The following ICE2 variants were observed in gnomAD, a reference collection of about 807,000 sequenced individuals.
ICE2 encodes interactor of little elongation complex ELL subunit 2, also known as little elongation complex subunit 2.
A neutral mutation model predicts 105.4 loss-of-function variants in ICE2; 87 were observed. The ratio of observed to expected loss-of-function variants is 0.83; its 90% confidence interval spans 0.69 to 0.99. The LOEUF (loss-of-function observed/expected upper bound fraction) is 0.99, where lower values mean the gene tolerates loss of function less well. ICE2 is among the 50% of genes least tolerant of loss of function. ICE2 has a pLI of 0.00. For synonymous variants in ICE2, 399 were observed against 392.0 expected (o/e 1.02, Z -0.21); for missense variants, 1,323 against 1,146.7 (o/e 1.15, Z -2.22).
chr15:60,442,572 A>G (rs2063741716), intron 11 of ICE2, 27 bp from the exon 12 acceptor site: 2 of 1,539,534 alleles, frequency 1.3e-6, no homozygotes, highest in East Asian at 4.6e-5. Context: ...TACTTTTTCA[A>G]AGCTCTATTA....
intron 15 of ICE2, among the ~76,000 whole-genome samples, chr15:60,427,443 C>T (rs1359125290): frequency 6.6e-6 from 1 of 152,078 alleles, no homozygotes; most frequent in East Asian, 1.9e-4. Context: ...TTTTTTGAGA[C>T]AGAGTCTCGT....
intron 9 of ICE2, among the ~76,000 whole-genome samples, chr15:60,450,124 A>G (rs1414063114): frequency 2.6e-5 from 4 of 152,232 alleles, no homozygotes; most frequent in East Asian, 3.8e-4. Flanking sequence ...AGGAATTTCA[A>G]CGAATCAAAA....
chr15:60,462,005 A>G (rs1373028665), intron 5 of ICE2, among the ~76,000 whole-genome samples: 1 of 152,226 alleles, frequency 6.6e-6, no homozygotes, highest in Non-Finnish European at 1.5e-5. Context: ...ATTTAACTCC[A>G]TGATTTAATA....
At chr15:60,452,388 CCTT>C in intron 9 of ICE2, 1 of 433,208 alleles carries the variant, frequency 2.3e-6, no homozygotes, top group Non-Finnish European at 3.1e-6. Flanking sequence ...CTCAGAAAAA[CCTT>C]CTTAATCGTG....
rs2064138108 is a variant in ICE2 at position 60,456,769 on chromosome 15, T to G, written c.554A>C (p.Gln185Pro). 6.6e-7 allele frequency: 1 copy of G among 1,512,192 alleles called. No homozygotes were observed. The highest frequency in any genetic ancestry group is 1.4e-5 in the African/African-American group (1 of 70,056). 93.7% of individuals were successfully genotyped at this position (1,512,192 alleles called of 1,614,324 possible). The part of the protein sequence containing the change: ...TEKILRACIE[Q>P]VKKYSEFYTL... The stretch of plus-strand genomic sequence containing the variant: ...ATAGAATTCTGAATACTTTTTCACT[T>G]GTTCAATGCAAGCTCTTAAAATTTT... The change falls in exon 6 of 16, where the codon CAA becomes CCA. Residue 185 changes from glutamine (Q) to proline (P), a missense_variant. Gln to Pro is a moderately conservative substitution (Grantham distance 76). Coordinates refer to ENST00000261520, the MANE Select transcript of ICE2 (RefSeq NM_024611.6).
chr15:60,431,657 TTTG>T (rs1359437346), intron 14 of ICE2, among the ~76,000 whole-genome samples: 8 of 152,204 alleles, frequency 5.3e-5, no homozygotes, highest in Non-Finnish European at 1.0e-4. Flanking sequence ...ATCAATCTGT[TTTG>T]TTTCAAGCCA....
At chr15:60,472,710 T>C (rs1421510980) in intron 3 of ICE2, among the ~76,000 whole-genome samples, 1 of 152,084 alleles carries the variant, frequency 6.6e-6, no homozygotes, top group Non-Finnish European at 1.5e-5. Flanking sequence ...AAAATAAACT[T>C]GGCACACTGG....
At chr15:60,453,316 T>G (rs2064010431) in intron 9 of ICE2, 2 of 1,155,494 alleles carry the variant, frequency 1.7e-6, no homozygotes, top group Non-Finnish European at 2.1e-6. Context: ...TTTCACTACA[T>G]ACATAACTAA....
Position 60,449,053 on chromosome 15 carries a change from T to C in ICE2, c.1914A>G (p.Val638=), listed in dbSNP as rs769573498. 5 of 1,613,168 alleles carry C rather than the reference T, an allele frequency of 3.1e-6. No individual in the cohort carries two copies. The highest frequency in any genetic ancestry group is 1.1e-5 in the South Asian group (1 of 90,982). The change falls in exon 10 of 16, where the codon GTA becomes GTG. Residue 638 remains valine, a synonymous_variant. Transcript: ENST00000261520. ...CTCCAACTGGATCAAATTTTTTATA[T>C]ACTCGTTTGATAGGTTTTTTTAAAA... The part of the protein sequence containing the change: ...SCVLKKPIKR[V]YKKFDPVGEI...
rs1439675246 is a variant in ICE2, at chr15:60,455,048, C to T, written c.898G>A (p.Glu300Lys). ...ATACACACTGGAATTTCCCACTGTT[C>T]CTTGTACGTTGGTCCATGATTATTT... ...LLNNHGPTYKEQWEIPVCIQV... is the reference protein window; with the variant it reads ...LLNNHGPTYKKQWEIPVCIQV... The change falls in exon 8 of 16, where the codon GAA becomes AAA. Residue 300 changes from glutamate (E) to lysine (K), a missense_variant. Coordinates refer to ENST00000261520, the MANE Select transcript of ICE2 (RefSeq NM_024611.6). 8 of 1,592,954 alleles carry T rather than the reference C, an allele frequency of 5.0e-6. No homozygotes were observed. Among genetic ancestry groups the T allele is most frequent in the Non-Finnish European group, 6.8e-6 (8 of 1,173,542 alleles).
chr15:60,463,249 C>A (rs1429371387), intron 5 of ICE2, among the ~76,000 whole-genome samples: 1 of 151,936 alleles, frequency 6.6e-6, no homozygotes, highest in African/African-American at 2.4e-5. Flanking sequence ...CGTATGTGTA[C>A]CAAAAGAAAT....
At position 60,449,028 on chromosome 15, in the gene ICE2, C is replaced by T; in HGVS notation, c.1939G>A (p.Glu647Lys). ...AGCTCATCCTGCATTTTTAAAATCT[C>T]TCCAACTGGATCAAATTTTTTATAT... is the stretch of plus-strand genomic sequence containing the variant. ...RVYKKFDPVG[E>K]ILKMQDELLK... The change falls in exon 10 of 16, where the codon GAG becomes AAG. Residue 647 changes from glutamate to lysine, a missense_variant. Transcript: ENST00000261520. 2 of 1,613,620 alleles carry T rather than the reference C, an allele frequency of 1.2e-6. No individual in the cohort carries two copies. Among genetic ancestry groups the T allele is most frequent in the Non-Finnish European group, 1.7e-6 (2 of 1,179,898 alleles).
chr15:60,468,174 G>C lies in ICE2; in HGVS notation c.295C>G (p.Arg99Gly), dbSNP rs1484454721. ...CTCCTCTGCTCTCTCTGTGAGAAACGAGAGAAACGAGGATAAGGAACTCTT... is the reference window on the plus strand; with the variant it reads ...CTCCTCTGCTCTCTCTGTGAGAAACCAGAGAAACGAGGATAAGGAACTCTT... ...KPRVPYPRFS[R>G]FSQREQRSYV... Residue 99 changes from arginine (R) to glycine (G), a missense_variant, in exon 4 of 16, where the codon CGT (arginine) becomes GGT (glycine). By Grantham distance (125) the Arg-to-Gly change is moderately radical (BLOSUM62 -2). Coordinates refer to ENST00000261520, the MANE Select transcript of ICE2 (RefSeq NM_024611.6). 6.2e-7 allele frequency: 1 copy of C among 1,614,054 alleles called. No homozygotes were observed. Among genetic ancestry groups the C allele is most frequent in the Non-Finnish European group, 8.5e-7 (1 of 1,179,986 alleles).
chr15:60,432,431 C>G (rs895520138), intron 13 of ICE2, among the ~76,000 whole-genome samples: 6 of 151,844 alleles, frequency 4.0e-5, no homozygotes, highest in African/African-American at 1.4e-4. Context: ...CTCAGGTGAT[C>G]CACCCGCCTC....
intron 9 of ICE2, among the ~76,000 whole-genome samples, chr15:60,450,682 G>C (rs532076385): frequency 6.6e-6 from 1 of 152,306 alleles, no homozygotes; most frequent in South Asian, 2.1e-4. Flanking sequence ...ATCAACTCGT[G>C]TAAGTTACTC....
At chr15:60,474,525 C>G (rs530083789) in intron 3 of ICE2, among the ~76,000 whole-genome samples, 10 of 152,250 alleles carry the variant, frequency 6.6e-5, no homozygotes, top group African/African-American at 2.4e-4. Context: ...GTAATCCCAG[C>G]AAGTGTAGTA....
At chr15:60,477,017 T>C (rs1018042886) in intron 2 of ICE2, among the ~76,000 whole-genome samples, 8 of 152,228 alleles carry the variant, frequency 5.3e-5, no homozygotes, top group Admixed American at 5.2e-4. Flanking sequence ...AATCAAATGG[T>C]AACTTCTGGG....
At chr15:60,469,847 G>C (rs2064539150) in intron 3 of ICE2, among the ~76,000 whole-genome samples, 1 of 152,144 alleles carries the variant, frequency 6.6e-6, no homozygotes, top group Admixed American at 6.5e-5. Flanking sequence ...CCAAATTAAA[G>C]TATATGAACA....
At chr15:60,453,549 T>C in intron 9 of ICE2, 54 bp downstream of exon 9, 1 of 1,584,976 alleles carries the variant, frequency 6.3e-7, no homozygotes. Context: ...ACTTTATGCT[T>C]CAAAAGGATA....
Sources: gnomAD v4.1 joint callset for allele counts (sites outside exome capture counted in the v4.1 genomes callset) on GRCh38, gnomAD v4.1.1 for gene constraint, MANE v1.5 for transcripts, NCBI Gene and HGNC (gene_info 2026-07-23, HGNC 2026-07-21) for gene names.